The following PTK7 variants were observed in gnomAD, a reference collection of about 807,000 sequenced individuals.
PTK7 encodes the protein protein tyrosine kinase 7 (inactive).
In PTK7, 39 loss-of-function variants were observed where a neutral mutation model predicts 116.6. The ratio of observed to expected loss-of-function variants is 0.33; its 90% CI spans 0.26 to 0.44. The LOEUF (loss-of-function observed/expected upper bound fraction) is 0.44. Ranked by LOEUF, PTK7 falls within the 20% of genes least tolerant of loss-of-function variation. The probability of loss-of-function intolerance (pLI) is 1.00; values close to 1 mark genes in which losing one functional copy is unlikely to be tolerated. For synonymous variants in PTK7, 546 were observed against 563.6 expected, an observed-to-expected ratio of 0.97 and a Z score of 0.44; for missense variants, 1,169 against 1,425.6, an observed-to-expected ratio of 0.82 and a Z score of 2.90.
At chr6:43,118,657 CTCTA>C (rs1300004915) in intron 1 of PTK7, among the ~76,000 whole-genome samples, 324 of 61,012 alleles carry the variant, frequency 5.3e-3, no homozygotes, top group Non-Finnish European at 6.1e-3. Flanking sequence ...CTCTCTCTCT[CTCTA>C]TATATATATA....
intron 1 of PTK7, among the ~76,000 whole-genome samples, chr6:43,117,946 CGAAAG>C (rs1768657230): frequency 6.8e-6 from 1 of 146,624 alleles, no homozygotes; most frequent in Non-Finnish European, 1.5e-5. Flanking sequence ...AAAAAAAAAA[CGAAAG>C]AAAAGAAAAG....
intron 10 of PTK7, among the ~76,000 whole-genome samples, chr6:43,140,162 G>A (rs767865834): frequency 1.3e-5 from 2 of 149,958 alleles, no homozygotes; most frequent in African/African-American, 4.9e-5. Context: ...CAAAATACTG[G>A]AAGAGGCCGG....
intron 1 of PTK7, among the ~76,000 whole-genome samples, chr6:43,077,488 C>T (rs556556687): frequency 2.6e-5 from 4 of 152,246 alleles, no homozygotes; most frequent in African/African-American, 7.2e-5. Context: ...ACAGCACCGC[C>T]CCCCCAACTC....
chr6:43,144,500 G>A lies in PTK7; in HGVS notation c.2301G>A (p.Val767=). 1 of 1,614,148 alleles carries A rather than the reference G, an allele frequency of 6.2e-7. No individual in the cohort carries two copies. The highest frequency in any genetic ancestry group is 1.1e-5 in the South Asian group (1 of 91,080). The change falls in exon 15 of 20, where the codon GTG becomes GTA. Residue 767 remains valine (V), a synonymous_variant. Coordinates refer to ENST00000230419, the MANE Select transcript of PTK7 (RefSeq NM_002821.5). ...CCTCAGCAGAGATCCAAGAAGAAGT[G>A]GCCTTGACCAGCTTGGGCTCCGGCC... ...GQPSAEIQEE[V]ALTSLGSGPA...
intron 1 of PTK7, among the ~76,000 whole-genome samples, chr6:43,120,020 T>C (rs1418648239): frequency 2.0e-5 from 3 of 152,190 alleles, no homozygotes; most frequent in Non-Finnish European, 4.4e-5. Flanking sequence ...GGCAGACTTT[T>C]GTGTGTCTAT....
Position 43,155,172 on chromosome 6 carries a change from CA to C in PTK7, c.2722-3644del, listed in dbSNP as rs549586114. On this transcript the variant is annotated intron_variant, in intron 17 of 19. Transcript: ENST00000230419. ...TTCCACCAACATCCACTGTATATGG[CA>C]CGTGGTAGATACTCAAATTTTTTTT... 6.6e-3 allele frequency among the ~76,000 whole-genome samples: 1,003 copies of C among 152,236 alleles called. 8 individuals are homozygous for C. The highest frequency in any genetic ancestry group is 0.01 in the Non-Finnish European group (691 of 68,024).
At chr6:43,084,435 G>A (rs941832697) in intron 1 of PTK7, among the ~76,000 whole-genome samples, 5 of 152,156 alleles carry the variant, frequency 3.3e-5, no homozygotes, top group Admixed American at 3.3e-4. Context: ...AAGCCATCAC[G>A]CCCAGCCTGG....
chr6:43,106,940 T>G (rs1362456450), intron 1 of PTK7, among the ~76,000 whole-genome samples: 1 of 135,180 alleles, frequency 7.4e-6, no homozygotes, highest in Non-Finnish European at 1.6e-5. Context: ...TTTTTTTTTT[T>G]GAGACAGAGT....
intron 7 of PTK7, 129 bp downstream of exon 7, chr6:43,132,816 G>C: frequency 1.5e-6 from 2 of 1,302,286 alleles, no homozygotes; most frequent in Non-Finnish European, 2.2e-6. Flanking sequence ...TTGGGAATCA[G>C]TTCACTACTG....
intron 1 of PTK7, among the ~76,000 whole-genome samples, chr6:43,121,056 GTTTTT>G (rs564738874): frequency 1.7e-5 from 2 of 119,718 alleles, no homozygotes; most frequent in Non-Finnish European, 3.5e-5. Context: ...CCATGTTTCT[GTTTTT>G]TTTTTTTTTT....
intron 7 of PTK7, among the ~76,000 whole-genome samples, chr6:43,134,473 C>G (rs1769903492): frequency 1.3e-5 from 2 of 152,048 alleles, no homozygotes; most frequent in African/African-American, 2.4e-5. Context: ...ATAGTGAGAC[C>G]TTGTGTCTAC....
chr6:43,148,455 A>G (rs1322070759), intron 17 of PTK7, among the ~76,000 whole-genome samples: 1 of 152,198 alleles, frequency 6.6e-6, no homozygotes, highest in East Asian at 1.9e-4. Flanking sequence ...AAGTCTTCCT[A>G]GTAGAGAAAA....
intron 17 of PTK7, among the ~76,000 whole-genome samples, chr6:43,151,874 T>G (rs1403327349): frequency 2.0e-5 from 2 of 100,300 alleles, no homozygotes; most frequent in Non-Finnish European, 3.7e-5. Context: ...TGAGGCAGTC[T>G]CGCTCTGTCG....
chr6:43,106,772 AC>A (rs575242562), intron 1 of PTK7, among the ~76,000 whole-genome samples: 68 of 147,096 alleles, frequency 4.6e-4, no homozygotes, highest in African/African-American at 1.6e-3. Flanking sequence ...CAGGCGTGAC[AC>A]CCGGCTAATT....
Position 43,085,563 on chromosome 6 carries a change from A to G in PTK7, c.79+8996A>G, listed in dbSNP as rs555224302. Among the ~76,000 whole-genome samples the G allele has an allele frequency of 3.1e-3, 467 of 151,442 alleles. 1 individual carries two copies. The highest frequency in any genetic ancestry group is 0.011 in the African/African-American group (447 of 41,258). On this transcript the variant is annotated intron_variant, in intron 1 of 19. Coordinates refer to ENST00000230419, the MANE Select transcript of PTK7 (RefSeq NM_002821.5). Reference sequence around the variant, plus strand: ...TGCCTGGCCAGAGGTGTCAGCCTTTATTTCCAGCCTTCGGACCCTAGAATG... The same window carrying G: ...TGCCTGGCCAGAGGTGTCAGCCTTTGTTTCCAGCCTTCGGACCCTAGAATG...
At position 43,141,882 on chromosome 6, in the gene PTK7, G is replaced by A. The variant is rs759747278; in HGVS notation, c.1769-49G>A. On this transcript the variant is annotated intron_variant, in intron 11 of 19. Transcript: ENST00000230419. The surrounding 1 kb of genome is among the most constrained non-coding windows in gnomAD (Gnocchi z 4.9). ...TGGGGTAGCACCGTGTACCCTGCCA[G>A]CCCCTTGGCTTACCCCTCCCTGCGC... 5 of 1,596,452 alleles carry A rather than the reference G, an allele frequency of 3.1e-6. No individual in the cohort carries two copies. The South Asian group carries it at 3.3e-5, about 11-fold the overall frequency.
At chr6:43,132,834 G>A (rs1487036430) in intron 7 of PTK7, 147 bp downstream of exon 7, 1 of 1,140,806 alleles carries the variant, frequency 8.8e-7, no homozygotes, top group South Asian at 1.3e-5. Flanking sequence ...CTGGGAGTCG[G>A]TGTAGACAGT....
At chr6:43,151,511 C>A (rs1456862749) in intron 17 of PTK7, among the ~76,000 whole-genome samples, 6 of 145,394 alleles carry the variant, frequency 4.1e-5, no homozygotes, top group African/African-American at 1.6e-4. Flanking sequence ...CGCGCCCAAG[C>A]CCCGTTTTTT....
intron 4 of PTK7, 37 bp downstream of exon 4, chr6:43,130,457 C>T (rs1031922635): frequency 2.5e-6 from 4 of 1,608,248 alleles, no homozygotes; most frequent in Non-Finnish European, 2.6e-6. Flanking sequence ...ATGAGGTGAG[C>T]ACAGGAGGGC....
Sources: allele counts gnomAD v4.1 joint callset (sites outside exome capture counted in the v4.1 genomes callset), GRCh38; gene constraint gnomAD v4.1.1; non-coding constraint Gnocchi (gnomAD v3.1); transcripts MANE v1.5; gene names NCBI Gene and HGNC (gene_info 2026-07-23, HGNC 2026-07-21).